LOC400499: variants seen among roughly 807,000 people sequenced by gnomAD.
the LOC400499 span, chr16:11,431,359 T>C: frequency 2.5e-6 from 1 of 397,682 alleles, no homozygotes; most frequent in East Asian, 3.6e-5. Flanking sequence ...GGCATCAGTT[T>C]CTCCTTCTGC....
the LOC400499 span, among the ~76,000 whole-genome samples, chr16:11,377,988 ATCT>A: frequency 6.6e-6 from 1 of 151,886 alleles, no homozygotes; most frequent in African/African-American, 2.4e-5. Flanking sequence ...TGTTTTTTCC[ATCT>A]TCTATTTCAT....
chr16:11,496,921 T>TGCAC, the LOC400499 span, among the ~76,000 whole-genome samples: 5 of 149,144 alleles, frequency 3.4e-5, no homozygotes, highest in African/African-American at 1.3e-4. Flanking sequence ...TGTGTGTGTG[T>TGCAC]GTGTGTGTGT....
the LOC400499 span, among the ~76,000 whole-genome samples, chr16:11,400,075 C>A: frequency 7.1e-6 from 1 of 140,306 alleles, no homozygotes; most frequent in African/African-American, 2.8e-5. Flanking sequence ...AAAAAAAAAG[C>A]CTCATCCCCA....
the LOC400499 span, among the ~76,000 whole-genome samples, chr16:11,464,934 C>A: frequency 1.3e-5 from 2 of 152,188 alleles, no homozygotes; most frequent in East Asian, 1.9e-4. Flanking sequence ...GCAGGTGGAG[C>A]TTTAGGAGGA....
At chr16:11,445,452 G>C in the LOC400499 span, among the ~76,000 whole-genome samples, 1 of 152,044 alleles carries the variant, frequency 6.6e-6, no homozygotes, top group Non-Finnish European at 1.5e-5. Flanking sequence ...AAGATATAAG[G>C]CATCGCTAGG....
chr16:11,437,968 GA>G, the LOC400499 span, among the ~76,000 whole-genome samples: 4 of 152,150 alleles, frequency 2.6e-5, no homozygotes, highest in Non-Finnish European at 4.4e-5. Flanking sequence ...TCGGGGGATC[GA>G]TCGCATGCGC....
the LOC400499 span, chr16:11,390,539 C>G: frequency 8.7e-7 from 1 of 1,152,840 alleles, no homozygotes; most frequent in Non-Finnish European, 1.1e-6. Context: ...ACACGCCAGG[C>G]CTCGAGGAGA....
chr16:11,453,109 G>A, the LOC400499 span, among the ~76,000 whole-genome samples: 2 of 152,162 alleles, frequency 1.3e-5, no homozygotes. Flanking sequence ...CCCCTAATGG[G>A]ATCCAGGAGA....
the LOC400499 span, among the ~76,000 whole-genome samples, chr16:11,489,070 C>T: frequency 6.6e-6 from 1 of 152,316 alleles, no homozygotes; most frequent in East Asian, 1.9e-4. Context: ...CTTGGAAATC[C>T]AGCCCGTGTA....
chr16:11,402,197 G>A, the LOC400499 span: 2 of 399,074 alleles, frequency 5.0e-6, no homozygotes, highest in South Asian at 2.5e-4. Flanking sequence ...TAGGGCACGT[G>A]AGCTGAGGTC....
the LOC400499 span, chr16:11,391,884 A>T: frequency 2.9e-5 from 34 of 1,173,978 alleles, 1 homozygote; most frequent in Non-Finnish European, 3.5e-5. Context: ...ACCGAGGCAG[A>T]ATCAGGGTGA....
At chr16:11,390,250 C>G in the LOC400499 span, 5 of 1,232,462 alleles carry the variant, frequency 4.1e-6, no homozygotes, top group Admixed American at 2.1e-4. Context: ...TCCTCACCTG[C>G]CAACTACGCC....
chr16:11,479,370 A>T, the LOC400499 span, among the ~76,000 whole-genome samples: 37,056 of 151,894 alleles, frequency 0.24, 4,791 homozygotes, highest in African/African-American at 0.32. Context: ...TCCCAGCACT[A>T]GGGAGGCCGA....
At chr16:11,434,348 C>T in the LOC400499 span, among the ~76,000 whole-genome samples, 2 of 152,094 alleles carry the variant, frequency 1.3e-5, no homozygotes. Flanking sequence ...ATAGCAAGAC[C>T]CCGTTCCTAC....
chr16:11,501,965 C>G, the LOC400499 span: 264,901 of 395,444 alleles, frequency 0.67, 90,842 homozygotes, highest in Admixed American at 0.76. Context: ...GACGGGATGA[C>G]GCATCAGCAT....
At chr16:11,382,644 A>C in the LOC400499 span, among the ~76,000 whole-genome samples, 1 of 149,520 alleles carries the variant, frequency 6.7e-6, no homozygotes, top group Non-Finnish European at 1.5e-5. Flanking sequence ...ACAGTGGTGT[A>C]CATTCAAATC....
the LOC400499 span, among the ~76,000 whole-genome samples, chr16:11,406,436 CTT>C: frequency 6.6e-6 from 1 of 152,030 alleles, no homozygotes; most frequent in South Asian, 2.1e-4. Flanking sequence ...TTTCTTTTTT[CTT>C]TTCTTCCTTT....
At chr16:11,470,872 G>C in the LOC400499 span, 1 of 152,822 alleles carries the variant, frequency 6.5e-6, no homozygotes, top group Non-Finnish European at 1.5e-5. Flanking sequence ...GAGGGAGTTA[G>C]GTGGATGTCC....
At chr16:11,442,195 CA>C in the LOC400499 span, 1 of 152,142 alleles carries the variant, frequency 6.6e-6, no homozygotes. Context: ...AAATGTATGT[CA>C]TTAAACAGCT....
Sources: gnomAD v4.1 joint callset for allele counts (sites outside exome capture counted in the v4.1 genomes callset) on GRCh38, gnomAD v4.1.1 for gene constraint, MANE v1.5 for transcripts.